Variants in RIT1 observed in about 807,000 individuals in gnomAD.
RIT1 encodes GTP-binding protein Rit1.
In RIT1, 6 loss-of-function variants were observed where a neutral mutation model predicts 25.6. The ratio of observed to expected loss-of-function variants is 0.23; its 90% CI spans 0.13 to 0.46. The LOEUF (loss-of-function observed/expected upper bound fraction) is 0.46, where lower values mean the gene tolerates loss of function less well. Ranked by LOEUF, RIT1 falls within the 20% of genes least tolerant of loss-of-function variation. The pLI, the probability that RIT1 is intolerant of heterozygous loss-of-function variation, is 0.99. For synonymous variants in RIT1, 81 were observed against 94.1 expected (o/e 0.86, Z 0.80); for missense variants, 219 against 284.4 (o/e 0.77, Z 1.65).
At position 155,911,314 on chromosome 1, in the gene RIT1, A is replaced by G. The variant is rs564599200; in HGVS notation, c.-115T>C. ...AACACCACAGCCGGTCGGGTCACGCACTTCGTCTTCCTTCACTCGCGGAGG... is the reference window on the plus strand; with the variant it reads ...AACACCACAGCCGGTCGGGTCACGCGCTTCGTCTTCCTTCACTCGCGGAGG... On this transcript the variant is annotated 5_prime_UTR_variant, in exon 1 of 6. Transcript: ENST00000368323. The G allele has an allele frequency of 5.2e-6, 1 of 194,092 alleles. No individual in the cohort carries two copies. Among genetic ancestry groups the G allele is most frequent in the Non-Finnish European group, 1.1e-5 (1 of 93,206 alleles). The allele number at this position is 194,092 out of a possible 1,614,324, so 12.0% of individuals were successfully genotyped here.
Position 155,910,692 on chromosome 1 carries a change from G to A in RIT1, c.70C>T (p.Leu24=). 1 of 1,614,232 alleles carries A rather than the reference G, an allele frequency of 6.2e-7. No homozygotes were observed. Among genetic ancestry groups the A allele is most frequent in the Non-Finnish European group, 8.5e-7 (1 of 1,180,040 alleles). The change falls in exon 2 of 6, where the codon CTA becomes TTA. Residue 24 remains leucine, a synonymous_variant. Transcript: ENST00000368323. ...ACACCACCAGCACCCAGCATCACTA[G>A]TTTGTACTCCCGTGAGAGCCCAGCG... is the stretch of plus-strand genomic sequence containing the variant. The part of the protein sequence containing the change: ...SPAGLSREYK[L]VMLGAGGVGK...
intron 3 of RIT1, among the ~76,000 whole-genome samples, chr1:155,907,424 G>T (rs1673468254): frequency 6.6e-6 from 1 of 152,044 alleles, no homozygotes; most frequent in South Asian, 2.1e-4. Context: ...TGTATTTTCA[G>T]TAGAGATGGG....
chr1:155,905,395 T>C (rs1254939467), intron 3 of RIT1, among the ~76,000 whole-genome samples: 3 of 152,030 alleles, frequency 2.0e-5, no homozygotes, highest in Non-Finnish European at 4.4e-5. Context: ...ACATAGGATT[T>C]TGCAATGTTG....
At chr1:155,907,847 T>C (rs534738846) in intron 3 of RIT1, among the ~76,000 whole-genome samples, 1 of 152,056 alleles carries the variant, frequency 6.6e-6, no homozygotes, top group Non-Finnish European at 1.5e-5. Context: ...TCCCAGCACT[T>C]TGGGAGGCCG....
At chr1:155,910,979 C>T (rs1673585981) in intron 1 of RIT1, 175 bp from the exon 2 acceptor site, 2 of 1,428,522 alleles carry the variant, frequency 1.4e-6, no homozygotes, top group South Asian at 1.2e-5. Context: ...CCATCTTCAC[C>T]CTCCCTCCTA....
chr1:155,911,057 TA>T, intron 1 of RIT1, 185 bp downstream of exon 1: 1 of 838,294 alleles, frequency 1.2e-6, no homozygotes, highest in East Asian at 2.7e-5. Flanking sequence ...AAGATACAAA[TA>T]AATTTACGTC....
At chr1:155,906,571 G>A (rs768143642) in intron 3 of RIT1, among the ~76,000 whole-genome samples, 2 of 151,830 alleles carry the variant, frequency 1.3e-5, no homozygotes, top group Non-Finnish European at 2.9e-5. Flanking sequence ...GACCAGCCTG[G>A]CTAATGTGGT....
chr1:155,907,979 A>G (rs1322868176), intron 3 of RIT1, among the ~76,000 whole-genome samples: 1 of 151,914 alleles, frequency 6.6e-6, no homozygotes, highest in East Asian at 1.9e-4. Context: ...AGTCCCAGCT[A>G]CGCTGGAGCC....
intron 4 of RIT1, 84 bp downstream of exon 4, chr1:155,904,647 C>T (rs751502424): frequency 1.6e-6 from 2 of 1,233,994 alleles, no homozygotes; most frequent in African/African-American, 3.0e-5. Flanking sequence ...GAGAGATAAA[C>T]TATTGATCTT....
chr1:155,904,809 A>G lies in RIT1; in HGVS notation c.164-5T>C. The G allele has an allele frequency of 1.2e-6, 2 of 1,600,064 alleles. No homozygotes were observed. Among genetic ancestry groups the G allele is most frequent in the Non-Finnish European group, 1.7e-6 (2 of 1,167,380 alleles). On this transcript the variant is annotated splice_polypyrimidine_tract_variant and splice_region_variant and intron_variant, in intron 3 of 5. Transcript: ENST00000368323. ...TCCTGATCTTATAAGCATCTTCTAC[A>G]GGAGGGAAGAAAGGTGTACTATAAA...
Position 155,903,586 on chromosome 1 carries a change from T to C in RIT1, c.429+725A>G, listed in dbSNP as rs1258734125. Among the ~76,000 whole-genome samples the C allele has an allele frequency of 3.3e-5, 5 of 152,218 alleles. No individual in the cohort carries two copies. In the East Asian group the frequency reaches 9.6e-4, roughly 29 times the overall value. ...TATGGATATGCCATAATTTCTACTT[T>C]TGGACAGCTAGATTGTTTCTCATTT... On this transcript the variant is annotated intron_variant, in intron 5 of 5. Coordinates refer to ENST00000368323, the MANE Select transcript of RIT1 (RefSeq NM_006912.6).
rs185653845 is a variant in RIT1, at chr1:155,899,485, A to G, written c.*903T>C. ...CTTGCCAGCTGTAGCTCTTTTACAGAGCACAAAGTGGGAGGAAGCAATGAA... is the reference window on the plus strand; with the variant it reads ...CTTGCCAGCTGTAGCTCTTTTACAGGGCACAAAGTGGGAGGAAGCAATGAA... On this transcript the variant is annotated 3_prime_UTR_variant, in exon 6 of 6. Transcript: ENST00000368323. 1.2e-4 allele frequency: 28 copies of G among 224,408 alleles called. No homozygotes were observed. The East Asian group carries it at 1.7e-3, about 14-fold the overall frequency. 13.9% of individuals were successfully genotyped at this position (224,408 alleles called of 1,614,324 possible).
Position 155,898,738 on chromosome 1 carries a change from T to G in RIT1, c.*1650A>C, listed in dbSNP as rs577583246. 5.2e-6 allele frequency: 1 copy of G among 192,140 alleles called. No individual in the cohort carries two copies. The highest frequency in any genetic ancestry group is 1.9e-4 in the South Asian group (1 of 5,140). 11.9% of individuals were successfully genotyped at this position (192,140 alleles called of 1,614,324 possible). ...TTGTGTCCTGCACAGAATCAAATGCTAGGTCTTTCACTTTTGGATGGCTGA... is the reference window on the plus strand; with the variant it reads ...TTGTGTCCTGCACAGAATCAAATGCGAGGTCTTTCACTTTTGGATGGCTGA... On this transcript the variant is annotated 3_prime_UTR_variant, in exon 6 of 6. Coordinates refer to ENST00000368323, the MANE Select transcript of RIT1 (RefSeq NM_006912.6).
Position 155,900,324 on chromosome 1 carries a change from G to A in RIT1, c.*64C>T, listed in dbSNP as rs780262162. ...AAGAGCAAGCACCATACTCAGTACT[G>A]CAGGTTACTGGACTGCTTTGATACA... On this transcript the variant is annotated 3_prime_UTR_variant, in exon 6 of 6. Transcript: ENST00000368323. The A allele has an allele frequency of 2.8e-5, 32 of 1,154,246 alleles. No individual in the cohort carries two copies. Among genetic ancestry groups the A allele is most frequent in the Middle Eastern group, 2.5e-4 (1 of 3,968 alleles). 71.5% of individuals were successfully genotyped at this position (1,154,246 alleles called of 1,614,324 possible). A position where few individuals can be genotyped will look rare whatever the true frequency, so the allele number is the denominator to read the frequency against.
chr1:155,908,519 A>T (rs964201163), intron 3 of RIT1, among the ~76,000 whole-genome samples: 1 of 148,608 alleles, frequency 6.7e-6, no homozygotes, highest in South Asian at 2.1e-4. Context: ...CCCTAAATTC[A>T]TTTTATTCCT....
chr1:155,904,041 T>C (rs989452530), intron 5 of RIT1, among the ~76,000 whole-genome samples: 3 of 152,160 alleles, frequency 2.0e-5, no homozygotes, highest in African/African-American at 7.2e-5. Context: ...TGGGACCACA[T>C]GTGCATGCAC....
chr1:155,900,476 A>T lies in RIT1; in HGVS notation c.572T>A (p.Leu191Gln), dbSNP rs769724664. 3 of 1,614,156 alleles carry T rather than the reference A, an allele frequency of 1.9e-6. No individual in the cohort carries two copies. The highest frequency in any genetic ancestry group is 1.6e-4 in the Middle Eastern group (1 of 6,062). Reference sequence around the variant, plus strand: ...GGGCTTAGATTTTTTCTCCATGGCCAGTACTGCCTCCTTTTCTTTCCTACG... The same window carrying T: ...GGGCTTAGATTTTTTCTCCATGGCCTGTACTGCCTCCTTTTCTTTCCTACG... ...EIRRKEKEAVLAMEKKSKPKN... is the reference protein window; with the variant it reads ...EIRRKEKEAVQAMEKKSKPKN... Residue 191 changes from leucine (L) to glutamine (Q), a missense_variant, in exon 6 of 6, where the codon CTG becomes CAG. Coordinates refer to ENST00000368323, the MANE Select transcript of RIT1 (RefSeq NM_006912.6).
At chr1:155,905,989 C>T (rs879669880) in intron 3 of RIT1, among the ~76,000 whole-genome samples, 2 of 152,026 alleles carry the variant, frequency 1.3e-5, no homozygotes, top group South Asian at 2.1e-4. Flanking sequence ...CACTATTGCC[C>T]GGCTAATTTT....
At chr1:155,904,614 A>C in intron 4 of RIT1, 112 bp from the exon 5 acceptor site, 1 of 1,209,546 alleles carries the variant, frequency 8.3e-7, no homozygotes, top group East Asian at 2.4e-5. Flanking sequence ...TGCTATCCTG[A>C]GTCAGAGTGC....
Sources: gnomAD v4.1 joint callset for allele counts (sites outside exome capture counted in the v4.1 genomes callset) on GRCh38, gnomAD v4.1.1 for gene constraint, MANE v1.5 for transcripts, NCBI Gene and HGNC (gene_info 2026-07-23, HGNC 2026-07-21) for gene names.